The following PLA2G4A variants were observed in gnomAD, a reference collection of about 807,000 sequenced individuals.
PLA2G4A encodes phospholipase A2 group IVA.
In PLA2G4A, 40 loss-of-function variants were observed where a neutral mutation model predicts 81.9. That is an observed-to-expected ratio of 0.49 (90% CI 0.38 to 0.64). The LOEUF (loss-of-function observed/expected upper bound fraction) is 0.64. Among genes scored for constraint, PLA2G4A ranks in the 30% least tolerant of loss-of-function variants. The pLI is 0.00. For missense variants in PLA2G4A, 715 were observed against 905.1 expected (o/e 0.79, Z 2.69); for synonymous variants, 302 against 296.9 (o/e 1.02, Z -0.18).
intron 1 of PLA2G4A, among the ~76,000 whole-genome samples, chr1:186,846,865 T>C (rs190144939): frequency 6.6e-6 from 1 of 152,224 alleles, no homozygotes; most frequent in East Asian, 1.9e-4. Context: ...GTGGTTGCTC[T>C]AGGAATTAAA....
At chr1:186,854,495 G>T (rs541942148) in intron 2 of PLA2G4A, 108 bp downstream of exon 2, 25 of 775,152 alleles carry the variant, frequency 3.2e-5, no homozygotes, top group Non-Finnish European at 5.4e-5. Flanking sequence ...TTCTGCATTT[G>T]TTATTAAACT....
intron 17 of PLA2G4A, among the ~76,000 whole-genome samples, chr1:186,985,236 G>T (rs1657856184): frequency 6.6e-6 from 1 of 152,028 alleles, no homozygotes; most frequent in Non-Finnish European, 1.5e-5. Context: ...AACTCAACTG[G>T]TCTCACTGTT....
chr1:186,859,297 T>TAAAA (rs1652711160), intron 2 of PLA2G4A, among the ~76,000 whole-genome samples: 1 of 152,152 alleles, frequency 6.6e-6, no homozygotes, highest in Non-Finnish European at 1.5e-5. Context: ...CATGACAGAA[T>TAAAA]TTAGTTTCCT....
chr1:186,916,840 T>G (rs1379581851), intron 7 of PLA2G4A, among the ~76,000 whole-genome samples: 3 of 152,176 alleles, frequency 2.0e-5, no homozygotes, highest in Non-Finnish European at 4.4e-5. Flanking sequence ...CTGAGAGCAG[T>G]CCTCCATGCA....
chr1:186,865,487 T>G lies in PLA2G4A; in HGVS notation c.34-4948T>G, dbSNP rs1652991911. 2.0e-5 allele frequency among the ~76,000 whole-genome samples: 3 copies of G among 152,180 alleles called. No homozygotes were observed. The South Asian group carries it at 6.2e-4, about 31-fold the overall frequency. ...TTACCAAAAAAACCTCAGGATTTATTAATGACATCAATGCAACTATTAAAA... is the reference window on the plus strand; with the variant it reads ...TTACCAAAAAAACCTCAGGATTTATGAATGACATCAATGCAACTATTAAAA... On this transcript the variant is annotated intron_variant, in intron 2 of 17. Transcript: ENST00000367466.
intron 15 of PLA2G4A, among the ~76,000 whole-genome samples, chr1:186,974,305 G>A (rs921748848): frequency 6.6e-6 from 1 of 152,016 alleles, no homozygotes; most frequent in African/African-American, 2.4e-5. Flanking sequence ...ATCCAGCCTG[G>A]CCAATATGGT....
chr1:186,938,827 G>A (rs1213655520), intron 8 of PLA2G4A, among the ~76,000 whole-genome samples, 181 bp from the exon 9 acceptor site: 1 of 152,058 alleles, frequency 6.6e-6, no homozygotes, highest in Non-Finnish European at 1.5e-5. Flanking sequence ...TTACCTTCAT[G>A]GTAGACTAGC....
intron 8 of PLA2G4A, among the ~76,000 whole-genome samples, chr1:186,937,253 A>AG (rs67366503): frequency 1.3e-3 from 189 of 149,112 alleles, no homozygotes; most frequent in Non-Finnish European, 1.4e-3. Flanking sequence ...GAGACGGGAA[A>AG]AGAGAGAGAG....
At chr1:186,886,677 A>G (rs541913670) in intron 3 of PLA2G4A, among the ~76,000 whole-genome samples, 36 of 152,306 alleles carry the variant, frequency 2.4e-4, no homozygotes, top group African/African-American at 7.9e-4. Flanking sequence ...CAGATTGCCA[A>G]CTAACACACC....
chr1:186,936,094 T>C (rs1655933420), intron 8 of PLA2G4A, among the ~76,000 whole-genome samples: 1 of 151,920 alleles, frequency 6.6e-6, no homozygotes, highest in Non-Finnish European at 1.5e-5. Flanking sequence ...TTTTATAGCA[T>C]TGTAAGGGGC....
At chr1:186,912,070 G>A (rs1459482207) in intron 7 of PLA2G4A, among the ~76,000 whole-genome samples, 2 of 152,130 alleles carry the variant, frequency 1.3e-5, no homozygotes, top group Non-Finnish European at 2.9e-5. Context: ...GGCCCTCCAA[G>A]GATGGAATGA....
intron 1 of PLA2G4A, among the ~76,000 whole-genome samples, chr1:186,847,871 G>T (rs1017519370): frequency 1.3e-5 from 2 of 151,902 alleles, no homozygotes; most frequent in Non-Finnish European, 2.9e-5. Flanking sequence ...GCAGTAGGCT[G>T]GTGTCTTGTC....
At chr1:186,887,882 A>T (rs1256023771) in intron 3 of PLA2G4A, among the ~76,000 whole-genome samples, 1 of 152,178 alleles carries the variant, frequency 6.6e-6, no homozygotes, top group African/African-American at 2.4e-5. Context: ...GAGCTATGTG[A>T]TTATTGTAAT....
At chr1:186,900,719 T>C (rs1189935702) in intron 5 of PLA2G4A, among the ~76,000 whole-genome samples, 3 of 152,206 alleles carry the variant, frequency 2.0e-5, no homozygotes, top group Admixed American at 6.5e-5. Flanking sequence ...ATGCCTAGGC[T>C]TAGAAGCAAC....
chr1:186,953,380 A>G (rs554106776), intron 13 of PLA2G4A, among the ~76,000 whole-genome samples: 1 of 152,340 alleles, frequency 6.6e-6, no homozygotes, highest in South Asian at 2.1e-4. Flanking sequence ...ATGAGGTATC[A>G]GTTCAGGCCT....
intron 1 of PLA2G4A, among the ~76,000 whole-genome samples, chr1:186,843,035 G>A (rs1047996013): frequency 7.2e-5 from 11 of 152,128 alleles, no homozygotes; most frequent in African/African-American, 2.7e-4. Context: ...CAGATGACCT[G>A]GGAACTTTTT....
intron 3 of PLA2G4A, among the ~76,000 whole-genome samples, chr1:186,883,464 T>C (rs978115766): frequency 3.2e-4 from 49 of 152,092 alleles, no homozygotes; most frequent in African/African-American, 1.2e-3. Flanking sequence ...TCATGTGATA[T>C]GAGGGGTGCA....
chr1:186,962,789 G>A (rs1657005044), intron 14 of PLA2G4A, among the ~76,000 whole-genome samples: 1 of 151,458 alleles, frequency 6.6e-6, no homozygotes, highest in South Asian at 2.1e-4. Flanking sequence ...CAAAGTGCTG[G>A]GATTAACAGG....
chr1:186,862,460 C>T (rs1461950957), intron 2 of PLA2G4A, among the ~76,000 whole-genome samples: 1 of 152,078 alleles, frequency 6.6e-6, no homozygotes, highest in Non-Finnish European at 1.5e-5. Context: ...AATCCACCTT[C>T]CTCAGTTTCC....
Sources: gnomAD v4.1 joint callset for allele counts (sites outside exome capture counted in the v4.1 genomes callset) on GRCh38, gnomAD v4.1.1 for gene constraint, MANE v1.5 for transcripts, NCBI Gene and HGNC (gene_info 2026-07-23, HGNC 2026-07-21) for gene names.